AGBL4: variants seen among roughly 807,000 people sequenced by gnomAD.
AGBL4 encodes the protein cytosolic carboxypeptidase 6.
In AGBL4, 58 loss-of-function variants were observed where a neutral mutation model predicts 66.4. The ratio of observed to expected loss-of-function variants is 0.87; its 90% confidence interval spans 0.71 to 1.09. The LOEUF (loss-of-function observed/expected upper bound fraction) is 1.09. Among genes scored for constraint, AGBL4 ranks in the 50% least tolerant of loss-of-function variants. AGBL4 has a pLI of 0.00. For missense variants in AGBL4, 579 were observed against 631.0 expected (o/e 0.92, Z 0.88); for synonymous variants, 234 against 222.9 (o/e 1.05, Z -0.44).
intron 9 of AGBL4, among the ~76,000 whole-genome samples, chr1:48,613,281 T>C (rs950165479): frequency 3.9e-5 from 6 of 152,186 alleles, no homozygotes; most frequent in African/African-American, 1.4e-4. Flanking sequence ...CAACTGGAAT[T>C]TGAACTTAGA....
rs886754094 is a variant in AGBL4 at position 49,434,708 on chromosome 1, C to CTGG, written c.283-188847_283-188845dup. Among the ~76,000 whole-genome samples the CTGG allele has an allele frequency of 3.3e-4, 47 of 143,718 alleles. 1 individual carries two copies. Among genetic ancestry groups the CTGG allele is most frequent in the African/African-American group, 2.8e-4 (11 of 38,658 alleles). The allele number at this position is 143,718 out of a possible 152,430, so 94.3% of individuals were successfully genotyped here. A position where few individuals can be genotyped will look rare whatever the true frequency, so the allele number is the denominator to read the frequency against. Reference sequence around the variant, plus strand: ...AGTGGTGGTGGTGGTGGTGGTGGTGCTGGTGGTGGTGGTGGTGGTGGTGGT... The same window carrying CTGG: ...AGTGGTGGTGGTGGTGGTGGTGGTGCTGGTGGTGGTGGTGGTGGTGGTGGTGGT... On this transcript the variant is annotated intron_variant, in intron 3 of 13. Transcript: ENST00000371839.
Position 48,768,194 on chromosome 1 carries a change from T to C in AGBL4, c.634+98997A>G, listed in dbSNP as rs182034864. ...GGCACATGTAACATGAGTATGTCAA[T>C]ATAACTTCCTAAAGTGCCTGCCTTT... On this transcript the variant is annotated intron_variant, in intron 6 of 13. Transcript: ENST00000371839. Among the ~76,000 whole-genome samples the C allele has an allele frequency of 3.2e-3, 482 of 152,068 alleles. 2 individuals carry two copies. The highest frequency in any genetic ancestry group is 0.01 in the African/African-American group (430 of 41,474).
chr1:49,481,530 T>G (rs1351391767), intron 3 of AGBL4, among the ~76,000 whole-genome samples: 1 of 151,738 alleles, frequency 6.6e-6, no homozygotes, highest in East Asian at 1.9e-4. Flanking sequence ...GCTTTTGGAC[T>G]GAGATGGAGT....
intron 3 of AGBL4, among the ~76,000 whole-genome samples, chr1:49,617,143 C>T (rs1258890099): frequency 6.6e-6 from 1 of 152,146 alleles, no homozygotes; most frequent in Non-Finnish European, 1.5e-5. Context: ...TTAGCCTCAT[C>T]TTCCATTAAT....
At chr1:49,376,958 C>G (rs183508461) in intron 3 of AGBL4, among the ~76,000 whole-genome samples, 1 of 152,236 alleles carries the variant, frequency 6.6e-6, no homozygotes, top group East Asian at 1.9e-4. Context: ...TGAATGTTTA[C>G]TTGAAAGTAA....
chr1:49,927,682 A>G (rs1207100597), intron 1 of AGBL4, among the ~76,000 whole-genome samples: 3 of 152,134 alleles, frequency 2.0e-5, no homozygotes, highest in Non-Finnish European at 4.4e-5. Context: ...AGGAGACAAA[A>G]AAAAAAAAGA....
chr1:48,669,985 G>C lies in AGBL4; in HGVS notation c.635-6744C>G, dbSNP rs1322813647. ...AAGTAGTAGACTCATTATGCTTCAG[G>C]GTTAGGGATCAAATGTTCTGCCCTT... On this transcript the variant is annotated intron_variant, in intron 6 of 13. Coordinates refer to ENST00000371839, the MANE Select transcript of AGBL4 (RefSeq NM_032785.4). 2.0e-5 allele frequency among the ~76,000 whole-genome samples: 3 copies of C among 152,122 alleles called. No homozygotes were observed. The East Asian group carries it at 5.8e-4, about 29-fold the overall frequency.
At chr1:49,617,140 C>CGGAAAAA (rs1645264301) in intron 3 of AGBL4, among the ~76,000 whole-genome samples, 1 of 152,186 alleles carries the variant, frequency 6.6e-6, no homozygotes, top group Non-Finnish European at 1.5e-5. Context: ...TCTTTAGCCT[C>CGGAAAAA]ATCTTCCATT....
intron 9 of AGBL4, among the ~76,000 whole-genome samples, chr1:48,616,884 C>T (rs897296142): frequency 1.3e-5 from 2 of 152,186 alleles, no homozygotes; most frequent in Non-Finnish European, 2.9e-5. Flanking sequence ...TCGTTCTTTC[C>T]TCTTGTGGCA....
chr1:48,674,076 C>G (rs1646323458), intron 6 of AGBL4, among the ~76,000 whole-genome samples: 1 of 152,194 alleles, frequency 6.6e-6, no homozygotes. Flanking sequence ...CTCCCACGCT[C>G]GCCTCTTACT....
intron 4 of AGBL4, among the ~76,000 whole-genome samples, chr1:49,170,494 T>G (rs957661398): frequency 1.4e-5 from 2 of 144,048 alleles, no homozygotes; most frequent in African/African-American, 2.5e-5. Flanking sequence ...ATATTTATAT[T>G]CATATATATT....
intron 3 of AGBL4, among the ~76,000 whole-genome samples, chr1:49,615,060 A>G (rs548996707): frequency 3.3e-5 from 5 of 152,246 alleles, no homozygotes; most frequent in African/African-American, 9.6e-5. Flanking sequence ...GCCACCCAAC[A>G]CATCAGTAAC....
downstream of AGBL4, among the ~76,000 whole-genome samples, chr1:48,531,068 G>A (rs1338061304): frequency 6.6e-6 from 1 of 152,072 alleles, no homozygotes; most frequent in South Asian, 2.1e-4. Flanking sequence ...AGCTAAGCAG[G>A]CCAAGACCAC....
chr1:49,272,583 C>T (rs1368712277), intron 3 of AGBL4, among the ~76,000 whole-genome samples: 3 of 152,048 alleles, frequency 2.0e-5, no homozygotes, highest in East Asian at 1.9e-4. Context: ...ATTTACTACC[C>T]TGTTTTCTCT....
intron 3 of AGBL4, among the ~76,000 whole-genome samples, chr1:49,673,702 G>A (rs1036477541): frequency 1.3e-5 from 2 of 152,044 alleles, no homozygotes; most frequent in Admixed American, 1.3e-4. Flanking sequence ...AGAGCACTTA[G>A]TTTGTCTAGG....
intron 6 of AGBL4, among the ~76,000 whole-genome samples, chr1:48,788,187 A>G (rs927464964): frequency 6.6e-6 from 1 of 152,260 alleles, no homozygotes; most frequent in Non-Finnish European, 1.5e-5. Context: ...CAAGGCATGT[A>G]AAGTGCCTGG....
intron 3 of AGBL4, among the ~76,000 whole-genome samples, chr1:49,439,379 C>A (rs1320784609): frequency 6.6e-6 from 1 of 152,164 alleles, no homozygotes; most frequent in Non-Finnish European, 1.5e-5. Context: ...TAAGACTGTA[C>A]CAGAAATCTG....
chr1:49,999,001 A>T (rs560722601), intron 1 of AGBL4, among the ~76,000 whole-genome samples: 1 of 152,290 alleles, frequency 6.6e-6, no homozygotes, highest in Admixed American at 6.5e-5. Context: ...AGTTGAAAGC[A>T]TTCTGCCTGA....
At chr1:48,830,670 C>G (rs1212053537) in intron 6 of AGBL4, among the ~76,000 whole-genome samples, 1 of 152,190 alleles carries the variant, frequency 6.6e-6, no homozygotes, top group Admixed American at 6.5e-5. Flanking sequence ...ATTTCAGTCA[C>G]TTGGTAGATG....
Sources: allele counts gnomAD v4.1 joint callset (sites outside exome capture counted in the v4.1 genomes callset), GRCh38; gene constraint gnomAD v4.1.1; transcripts MANE v1.5; gene names NCBI Gene and HGNC (gene_info 2026-07-23, HGNC 2026-07-21).